ARHGAP32: variants seen among roughly 807,000 people sequenced by gnomAD.
ARHGAP32 encodes Rho GTPase activating protein 32, also known as rho GTPase-activating protein 32.
A neutral mutation model predicts 186.5 loss-of-function variants in ARHGAP32; 51 were observed. That is an observed-to-expected ratio of 0.27 (90% CI 0.22 to 0.35). The LOEUF is 0.35. Among genes scored for constraint, ARHGAP32 ranks in the 10% least tolerant of loss-of-function variants. The pLI is 1.00. For missense variants in ARHGAP32, 2,186 were observed against 2,623.5 expected (o/e 0.83, Z 3.64); for synonymous variants, 950 against 964.3 (o/e 0.99, Z 0.27).
intron 1 of ARHGAP32, among the ~76,000 whole-genome samples, chr11:129,242,868 T>C (rs1194818835): frequency 6.6e-6 from 1 of 152,124 alleles, no homozygotes; most frequent in African/African-American, 2.4e-5. Flanking sequence ...TGTAATAAAG[T>C]GGTTCTTTTA....
At chr11:129,197,857 T>G (rs751965010) in intron 1 of ARHGAP32, among the ~76,000 whole-genome samples, 47 of 152,198 alleles carry the variant, frequency 3.1e-4, no homozygotes, top group Non-Finnish European at 6.2e-4. Context: ...AACTCTTTCC[T>G]TCTTTATTAT....
At chr11:129,243,511 T>C (rs1339154089) in intron 1 of ARHGAP32, among the ~76,000 whole-genome samples, 5 of 152,164 alleles carry the variant, frequency 3.3e-5, no homozygotes, top group African/African-American at 9.6e-5. Context: ...CCAGCTCCTA[T>C]CTCTCCTACC....
intron 7 of ARHGAP32, among the ~76,000 whole-genome samples, chr11:129,066,349 G>C (rs1212252668): frequency 6.6e-6 from 1 of 151,854 alleles, no homozygotes; most frequent in Non-Finnish European, 1.5e-5. Context: ...TTTTTTTGTA[G>C]GGGTGAAGGT....
At chr11:129,247,898 T>A (rs908301578) in intron 1 of ARHGAP32, among the ~76,000 whole-genome samples, 1 of 152,212 alleles carries the variant, frequency 6.6e-6, no homozygotes, top group East Asian at 1.9e-4. Context: ...TTTACTCATT[T>A]ATTCTACCTT....
At chr11:129,227,474 TAA>T (rs33996728) in intron 1 of ARHGAP32, among the ~76,000 whole-genome samples, 42,613 of 147,832 alleles carry the variant, frequency 0.29, 6,337 homozygotes, top group Middle Eastern at 0.4. Flanking sequence ...ATTGACAGTT[TAA>T]AAAAAAAAAA....
At chr11:129,268,940 C>T (rs1945440768) in intron 1 of ARHGAP32, among the ~76,000 whole-genome samples, 1 of 152,134 alleles carries the variant, frequency 6.6e-6, no homozygotes, top group Non-Finnish European at 1.5e-5. Flanking sequence ...AGACAAAGCC[C>T]TCACCCCTTG....
At chr11:129,021,137 G>T (rs886783964) in intron 11 of ARHGAP32, among the ~76,000 whole-genome samples, 1 of 151,902 alleles carries the variant, frequency 6.6e-6, no homozygotes, top group Non-Finnish European at 1.5e-5. Context: ...ATTCAAACAG[G>T]GTTCTATCTA....
chr11:129,259,214 A>G (rs1454062357), intron 1 of ARHGAP32, among the ~76,000 whole-genome samples: 1 of 152,156 alleles, frequency 6.6e-6, no homozygotes, highest in Non-Finnish European at 1.5e-5. Flanking sequence ...ATAAACTAGA[A>G]CCAGCTTTTT....
intron 1 of ARHGAP32, among the ~76,000 whole-genome samples, chr11:129,173,081 A>C (rs1385315106): frequency 1.2e-4 from 19 of 152,018 alleles, no homozygotes; most frequent in Admixed American, 1.2e-3. Context: ...CTAGACTAAC[A>C]AAGAAGAGAG....
In ARHGAP32 at chr11:129,215,930, A is replaced by G. The variant is rs376472303; in HGVS notation, c.-4-51503T>C. 2.0e-4 allele frequency among the ~76,000 whole-genome samples: 30 copies of G among 152,328 alleles called. No homozygotes were observed. In the East Asian group the frequency reaches 5.2e-3, roughly 26 times the overall value. On this transcript the variant is annotated intron_variant, in intron 1 of 6. Transcript: ENST00000525234. ...GAAGATAATCCTGGATTATGCAGGC[A>G]GTCTCTAAATGCTCGTTAGAGAGAG...
At chr11:128,976,668 C>A (rs1945550644) in intron 19 of ARHGAP32, 34 bp from the exon 20 acceptor site, 1 of 1,564,618 alleles carries the variant, frequency 6.4e-7, no homozygotes, top group African/African-American at 1.4e-5. Context: ...GTGAAGATTT[C>A]TTATTTGTTA....
At chr11:129,033,409 C>T (rs1939195099) in intron 11 of ARHGAP32, among the ~76,000 whole-genome samples, 1 of 152,174 alleles carries the variant, frequency 6.6e-6, no homozygotes, top group Non-Finnish European at 1.5e-5. Context: ...TCTTGCCAAC[C>T]TTAGATATCA....
chr11:129,225,675 T>C (rs1259995607), intron 1 of ARHGAP32, among the ~76,000 whole-genome samples: 1 of 152,108 alleles, frequency 6.6e-6, no homozygotes, highest in African/African-American at 2.4e-5. Flanking sequence ...CTATATTATA[T>C]AAAATGTCCA....
intron 7 of ARHGAP32, among the ~76,000 whole-genome samples, chr11:129,066,344 T>C (rs1940688394): frequency 6.6e-6 from 1 of 152,054 alleles, no homozygotes; most frequent in Non-Finnish European, 1.5e-5. Context: ...ATTTATTTTT[T>C]TGTAGGGGTG....
Position 128,981,360 on chromosome 11 carries a change from A to C in ARHGAP32, c.1780+56T>G, listed in dbSNP as rs1945701503. On this transcript the variant is annotated intron_variant, in intron 17 of 22. Coordinates refer to ENST00000682385, the MANE Select transcript of ARHGAP32 (RefSeq NM_001378024.1). ...TGCAATAAGAAATGCATGGTTTGCT[A>C]CTCCTCTGGAAGCTGAGACACACCC... is the stretch of plus-strand genomic sequence containing the variant. The C allele has an allele frequency of 2.0e-6, 3 of 1,516,130 alleles. No individual in the cohort carries two copies. In the South Asian group the frequency reaches 3.9e-5, roughly 20 times the overall value. The allele number at this position is 1,516,130 out of a possible 1,614,324, so 93.9% of individuals were successfully genotyped here. A position where few individuals can be genotyped will look rare whatever the true frequency, so the allele number is the denominator to read the frequency against.
chr11:129,238,114 TCTGA>T (rs1487197635), intron 1 of ARHGAP32, among the ~76,000 whole-genome samples: 1 of 152,150 alleles, frequency 6.6e-6, no homozygotes, highest in East Asian at 1.9e-4. Flanking sequence ...CAATTATAGT[TCTGA>T]CTAACCCTAA....
At chr11:129,078,512 A>C (rs751199825) in intron 6 of ARHGAP32, among the ~76,000 whole-genome samples, 2 of 152,208 alleles carry the variant, frequency 1.3e-5, no homozygotes, top group Admixed American at 6.5e-5. Flanking sequence ...AATTTTTTTG[A>C]GACAGAGTCT....
intron 1 of ARHGAP32, among the ~76,000 whole-genome samples, chr11:129,211,991 C>CA (rs1944587313): frequency 1.3e-5 from 2 of 151,888 alleles, no homozygotes; most frequent in Non-Finnish European, 2.9e-5. Flanking sequence ...TTGGTCTCCA[C>CA]AAAAAATATA....
At chr11:129,059,496 ATTTTTT>A (rs10677456) in intron 10 of ARHGAP32, among the ~76,000 whole-genome samples, 1 of 115,638 alleles carries the variant, frequency 8.6e-6, no homozygotes, top group Non-Finnish European at 1.7e-5. Flanking sequence ...CTGATTTGCA[ATTTTTT>A]TTTTTTTTTT....
Sources: allele counts gnomAD v4.1 joint callset (sites outside exome capture counted in the v4.1 genomes callset), GRCh38; gene constraint gnomAD v4.1.1; transcripts MANE v1.5; gene names NCBI Gene and HGNC (gene_info 2026-07-23, HGNC 2026-07-21).